The following MRAP2 variants were observed in gnomAD, a reference collection of about 807,000 sequenced individuals.
MRAP2 encodes the protein melanocortin-2 receptor accessory protein 2.
In MRAP2, 20 loss-of-function variants were observed where a neutral mutation model predicts 17.4. The observed-to-expected ratio is 1.15, with a 90% confidence interval of 0.81 to 1.67. The LOEUF (loss-of-function observed/expected upper bound fraction) is 1.67, where lower values mean the gene tolerates loss of function less well. Ranked by LOEUF, MRAP2 falls within the 40% of genes most tolerant of loss-of-function variation. The pLI is 0.00. For synonymous variants in MRAP2, 96 were observed against 88.4 expected, an observed-to-expected ratio of 1.09 and a Z score of -0.48; for missense variants, 238 against 240.0, an observed-to-expected ratio of 0.99 and a Z score of 0.05.
chr6:84,088,654 A>C (rs947379209), intron 3 of MRAP2, among the ~76,000 whole-genome samples: 7 of 152,170 alleles, frequency 4.6e-5, no homozygotes, highest in African/African-American at 1.7e-4. Context: ...GTGGTTCTAA[A>C]CTTCAGTATG....
chr6:84,098,521 A>G, the MRAP2 span, among the ~76,000 whole-genome samples: 3 of 152,126 alleles, frequency 2.0e-5, no homozygotes, highest in African/African-American at 2.4e-5. Context: ...GTAGGTAGGC[A>G]TTTGTCTTTT....
chr6:84,077,814 A>G (rs1195611176), intron 3 of MRAP2, among the ~76,000 whole-genome samples: 2 of 152,224 alleles, frequency 1.3e-5, no homozygotes, highest in East Asian at 3.9e-4. Flanking sequence ...CCTCATCTCA[A>G]TATGGAGCGT....
chr6:84,073,037 C>T (rs1271323323), intron 3 of MRAP2, among the ~76,000 whole-genome samples: 1 of 152,194 alleles, frequency 6.6e-6, no homozygotes, highest in East Asian at 1.9e-4. Flanking sequence ...GTTCATTCCC[C>T]ACCTATGGAG....
chr6:84,119,161 G>A, the MRAP2 span, among the ~76,000 whole-genome samples: 1 of 152,078 alleles, frequency 6.6e-6, no homozygotes, highest in African/African-American at 2.4e-5. Context: ...TTTAGCTACT[G>A]AGGTCTTTTG....
At chr6:84,132,936 C>T in the MRAP2 span, among the ~76,000 whole-genome samples, 1 of 152,104 alleles carries the variant, frequency 6.6e-6, no homozygotes, top group Non-Finnish European at 1.5e-5. Flanking sequence ...AAGAGGCACT[C>T]TGATTTTTGG....
chr6:84,037,096 C>T (rs1345906005), intron 1 of MRAP2, among the ~76,000 whole-genome samples: 1 of 151,766 alleles, frequency 6.6e-6, no homozygotes, highest in Non-Finnish European at 1.5e-5. Context: ...CATAAAAGTT[C>T]TCTAAGTCCC....
downstream of MRAP2, among the ~76,000 whole-genome samples, chr6:84,091,330 G>A (rs1005048158): frequency 6.8e-6 from 1 of 146,100 alleles, no homozygotes; most frequent in Non-Finnish European, 1.5e-5. Context: ...CTGGGTTCAA[G>A]TGATTCTCCT....
intron 1 of MRAP2, among the ~76,000 whole-genome samples, chr6:84,037,381 G>A (rs2099486376): frequency 6.6e-6 from 1 of 152,238 alleles, no homozygotes; most frequent in Admixed American, 6.5e-5. Flanking sequence ...AGTTCTCCAA[G>A]TCCCCACCTG....
chr6:84,033,428 A>G (rs937384725), upstream of MRAP2, among the ~76,000 whole-genome samples: 5 of 152,152 alleles, frequency 3.3e-5, no homozygotes, highest in African/African-American at 1.2e-4. Context: ...CTTGAACTCA[A>G]TGCTGCCGAT....
In MRAP2 at chr6:84,072,712, G is replaced by C. The variant is rs144891696; in HGVS notation, c.227+9720G>C. On this transcript the variant is annotated intron_variant, in intron 3 of 3. Transcript: ENST00000257776. ...CCATCGGGTTGGGGCAAGGCTAGGC[G>C]TGTCTGAGCTCAGTCTCTCCTTGGG... is the stretch of plus-strand genomic sequence containing the variant. 6.0e-3 allele frequency among the ~76,000 whole-genome samples: 908 copies of C among 152,244 alleles called. 5 individuals carry two copies. Among genetic ancestry groups the C allele is most frequent in the African/African-American group, 0.021 (876 of 41,540 alleles).
chr6:84,071,044 G>A (rs1036636866), intron 3 of MRAP2, among the ~76,000 whole-genome samples: 3 of 152,090 alleles, frequency 2.0e-5, no homozygotes, highest in East Asian at 1.9e-4. Context: ...TTTAAGTGGA[G>A]CATTTAGGCC....
chr6:84,080,405 G>A (rs1461509570), intron 3 of MRAP2, among the ~76,000 whole-genome samples: 1 of 152,154 alleles, frequency 6.6e-6, no homozygotes, highest in Non-Finnish European at 1.5e-5. Context: ...TTTTGCTGAA[G>A]CTCTTTCTCA....
chr6:84,040,452 G>C (rs111596200), intron 1 of MRAP2, among the ~76,000 whole-genome samples: 15,781 of 152,246 alleles, frequency 0.1, 1,024 homozygotes, highest in Middle Eastern at 0.22. Context: ...ACTGGGTAAT[G>C]GGCAGAGGTT....
intron 1 of MRAP2, chr6:84,045,422 C>A (rs796713417): frequency 2.0e-6 from 2 of 979,790 alleles, no homozygotes; most frequent in African/African-American, 1.7e-5. Flanking sequence ...AATGACCTGC[C>A]CCCAGCCGTC....
At chr6:84,066,189 C>T (rs559947409) in intron 3 of MRAP2, among the ~76,000 whole-genome samples, 2 of 152,256 alleles carry the variant, frequency 1.3e-5, no homozygotes, top group Non-Finnish European at 1.5e-5. Flanking sequence ...GATGATTATT[C>T]TGAACAATGC....
the MRAP2 span, among the ~76,000 whole-genome samples, chr6:84,116,223 A>G: frequency 2.0e-5 from 3 of 152,268 alleles, no homozygotes; most frequent in Admixed American, 6.5e-5. Context: ...GTCCCCACCC[A>G]AATCTCATCT....
chr6:84,115,667 G>C, the MRAP2 span, among the ~76,000 whole-genome samples: 1 of 152,094 alleles, frequency 6.6e-6, no homozygotes, highest in Non-Finnish European at 1.5e-5. Flanking sequence ...CTGCCCAAAT[G>C]GCTGCCCAGT....
chr6:84,103,545 G>A, the MRAP2 span, among the ~76,000 whole-genome samples: 1 of 152,292 alleles, frequency 6.6e-6, no homozygotes, highest in South Asian at 2.1e-4. Flanking sequence ...GCTGGTGAAA[G>A]ACCAAGATGC....
the MRAP2 span, among the ~76,000 whole-genome samples, chr6:84,119,903 C>A: frequency 0.11 from 16,180 of 152,184 alleles, 1,345 homozygotes; most frequent in African/African-American, 0.24. Flanking sequence ...GTTCCTCTAG[C>A]ATAACTCCTG....
Sources: allele counts gnomAD v4.1 joint callset (sites outside exome capture counted in the v4.1 genomes callset), GRCh38; gene constraint gnomAD v4.1.1; transcripts MANE v1.5; gene names NCBI Gene and HGNC (gene_info 2026-07-23, HGNC 2026-07-21).